RAD51B: variants seen among roughly 807,000 people sequenced by gnomAD.
RAD51B encodes DNA repair protein RAD51 homolog 2.
In RAD51B, 38 loss-of-function variants were observed where a neutral mutation model predicts 42.2. The ratio of observed to expected loss-of-function variants is 0.90; its 90% CI spans 0.70 to 1.18. The LOEUF (loss-of-function observed/expected upper bound fraction) is 1.18, where lower values mean the gene tolerates loss of function less well. RAD51B is among the 50% of genes most tolerant of loss of function. The pLI is 0.00. For missense variants in RAD51B, 373 were observed against 400.7 expected (o/e 0.93, Z 0.59); for synonymous variants, 154 against 145.2 (o/e 1.06, Z -0.43).
intron 10 of RAD51B, among the ~76,000 whole-genome samples, chr14:68,522,203 T>A (rs1186892359): frequency 6.6e-6 from 1 of 152,170 alleles, no homozygotes; most frequent in African/African-American, 2.4e-5. Flanking sequence ...CTGAGATAGC[T>A]CTTACTAGAC....
intron 8 of RAD51B, among the ~76,000 whole-genome samples, chr14:68,371,410 T>C (rs1204812106): frequency 6.6e-6 from 1 of 152,054 alleles, no homozygotes; most frequent in African/African-American, 2.4e-5. Flanking sequence ...CCTAGCTACT[T>C]GGGAGGCTGA....
intron 7 of RAD51B, among the ~76,000 whole-genome samples, chr14:67,975,993 G>A (rs1305143920): frequency 1.3e-5 from 2 of 151,850 alleles, no homozygotes; most frequent in Non-Finnish European, 2.9e-5. Context: ...TTTTTCAAAT[G>A]TTGTTGATTC....
chr14:67,823,671 G>A, intron 2 of RAD51B, 44 bp downstream of exon 2: 4 of 1,472,446 alleles, frequency 2.7e-6, no homozygotes, highest in Non-Finnish European at 2.8e-6. Flanking sequence ...TTATGCACAA[G>A]TTAACTTTAT....
chr14:68,017,661 A>G lies in RAD51B; in HGVS notation c.756+130457A>G, dbSNP rs115011607. Among the ~76,000 whole-genome samples, 1,077 of 152,196 alleles carry G rather than the reference A, an allele frequency of 7.1e-3. 14 individuals are homozygous for G. The highest frequency in any genetic ancestry group is 0.025 in the African/African-American group (1,031 of 41,524). ...AGGATTTTAAAGTTTGAATTTTTCA[A>G]AAGTATCCTACATTACAAAATAAAT... is the stretch of plus-strand genomic sequence containing the variant. On this transcript the variant is annotated intron_variant, in intron 7 of 10. Coordinates refer to ENST00000471583, the MANE Select transcript of RAD51B (RefSeq NM_133510.4).
intron 7 of RAD51B, among the ~76,000 whole-genome samples, chr14:68,077,312 A>G (rs902677378): frequency 6.6e-6 from 1 of 152,198 alleles, no homozygotes; most frequent in African/African-American, 2.4e-5. Flanking sequence ...ACCATGCTGG[A>G]TGATTGCCAG....
intron 9 of RAD51B, among the ~76,000 whole-genome samples, chr14:68,444,848 C>G (rs1594848971): frequency 6.6e-6 from 1 of 152,306 alleles, no homozygotes; most frequent in East Asian, 1.9e-4. Flanking sequence ...AATGAGACAG[C>G]AACCCAAATA....
At chr14:67,942,245 T>A (rs2045235136) in intron 7 of RAD51B, among the ~76,000 whole-genome samples, 1 of 152,218 alleles carries the variant, frequency 6.6e-6, no homozygotes, top group Non-Finnish European at 1.5e-5. Flanking sequence ...AACTAGGAGC[T>A]GCTTCTCTTT....
chr14:68,508,940 G>A (rs781302832), intron 10 of RAD51B, among the ~76,000 whole-genome samples: 1 of 152,274 alleles, frequency 6.6e-6, no homozygotes, highest in Admixed American at 6.5e-5. Context: ...AGCACCACTT[G>A]TGGCTCTCCA....
At chr14:68,361,260 G>A (rs2083018840) in intron 8 of RAD51B, among the ~76,000 whole-genome samples, 1 of 152,096 alleles carries the variant, frequency 6.6e-6, no homozygotes. Context: ...CTGCGCCCTG[G>A]CACTTACAAG....
intron 8 of RAD51B, among the ~76,000 whole-genome samples, chr14:68,399,188 C>T (rs1354875172): frequency 6.6e-6 from 1 of 151,638 alleles, no homozygotes; most frequent in African/African-American, 2.4e-5. Context: ...AAGGAGAGTT[C>T]AAACCTACAG....
intron 10 of RAD51B, among the ~76,000 whole-genome samples, chr14:68,486,422 C>A (rs1883627662): frequency 6.6e-6 from 1 of 152,182 alleles, no homozygotes; most frequent in Admixed American, 6.5e-5. Flanking sequence ...TCCAGCCTCT[C>A]ATCCCAGCAC....
chr14:68,353,716 C>T (rs956768976), intron 8 of RAD51B, among the ~76,000 whole-genome samples: 1 of 152,110 alleles, frequency 6.6e-6, no homozygotes, highest in Admixed American at 6.5e-5. Context: ...GGGGCCTGAG[C>T]CATTGTTGTC....
intron 10 of RAD51B, among the ~76,000 whole-genome samples, chr14:68,500,883 A>G (rs1012403361): frequency 6.6e-6 from 1 of 152,162 alleles, no homozygotes; most frequent in Non-Finnish European, 1.5e-5. Flanking sequence ...ATGGGAAGAG[A>G]GGACACTGGC....
chr14:68,340,870 A>G (rs1451526010), intron 8 of RAD51B, among the ~76,000 whole-genome samples: 1 of 152,254 alleles, frequency 6.6e-6, no homozygotes, highest in East Asian at 1.9e-4. Context: ...AATGGAGAAC[A>G]GTCTGCCTTT....
intron 8 of RAD51B, among the ~76,000 whole-genome samples, chr14:68,309,550 TA>T (rs1212797211): frequency 1.3e-5 from 2 of 152,222 alleles, no homozygotes; most frequent in African/African-American, 4.8e-5. Flanking sequence ...TCCAAGATCA[TA>T]AAGCCAAATA....
chr14:68,069,876 G>GT (rs1260510793), intron 7 of RAD51B, among the ~76,000 whole-genome samples: 1 of 152,104 alleles, frequency 6.6e-6, no homozygotes. Flanking sequence ...ACTTTCTACA[G>GT]TGGCTGAACT....
At chr14:68,267,133 A>C (rs1382759269) in intron 7 of RAD51B, among the ~76,000 whole-genome samples, 1 of 152,210 alleles carries the variant, frequency 6.6e-6, no homozygotes, top group African/African-American at 2.4e-5. Flanking sequence ...ATAGGTAAAA[A>C]GCAACTCGAA....
At chr14:68,153,363 A>G (rs1032211374) in intron 7 of RAD51B, among the ~76,000 whole-genome samples, 2 of 152,174 alleles carry the variant, frequency 1.3e-5, no homozygotes, top group Non-Finnish European at 2.9e-5. Flanking sequence ...CTTTGTACAC[A>G]TTGATTTACT....
At chr14:68,616,402 AG>A (rs1434336371), downstream of RAD51B, among the ~76,000 whole-genome samples, 1 of 152,228 alleles carries the variant, frequency 6.6e-6, no homozygotes, top group Admixed American at 6.5e-5. Context: ...TATCAAAGAA[AG>A]TATTCCATTG....
Sources: gnomAD v4.1 joint callset for allele counts (sites outside exome capture counted in the v4.1 genomes callset) on GRCh38, gnomAD v4.1.1 for gene constraint, MANE v1.5 for transcripts, NCBI Gene and HGNC (gene_info 2026-07-23, HGNC 2026-07-21) for gene names.